Variants in CCDC47 observed in about 807,000 individuals in gnomAD.
CCDC47 encodes PAT complex subunit CCDC47.
CCDC47 carries 41 observed loss-of-function variants against 60.5 expected under a neutral mutation model. The ratio of observed to expected loss-of-function variants is 0.68; its 90% CI spans 0.53 to 0.88. The LOEUF (loss-of-function observed/expected upper bound fraction) is 0.88, where lower values mean the gene tolerates loss of function less well. Ranked by LOEUF, CCDC47 falls within the 40% of genes least tolerant of loss-of-function variation. The pLI, the probability that CCDC47 is intolerant of heterozygous loss-of-function variation, is 0.00. For missense variants in CCDC47, 513 were observed against 580.9 expected (o/e 0.88, Z 1.20); for synonymous variants, 195 against 190.7 (o/e 1.02, Z -0.18).
rs535062006 is a variant in CCDC47 at position 63,759,584 on chromosome 17, T to C, written c.735+1330A>G. ...ATATATATATATATATATAAAACAA[T>C]GATTTTCAATCCAATAACATTTGAA... On this transcript the variant is annotated intron_variant, in intron 6 of 12. Transcript: ENST00000225726. Among the ~76,000 whole-genome samples the C allele has an allele frequency of 3.3e-3, 336 of 100,898 alleles. 6 individuals carry two copies. Among genetic ancestry groups the C allele is most frequent in the Non-Finnish European group, 5.8e-3 (292 of 50,460 alleles). 66.2% of individuals were successfully genotyped at this position (100,898 alleles called of 152,430 possible).
At chr17:63,765,718 A>G in intron 2 of CCDC47, 194 bp downstream of exon 2, 1 of 1,396,038 alleles carries the variant, frequency 7.2e-7, no homozygotes, top group Non-Finnish European at 9.3e-7. Context: ...TCAGGGTTTC[A>G]ATAGAAGAAC....
intron 1 of CCDC47, among the ~76,000 whole-genome samples, chr17:63,771,808 G>A (rs1366161162): frequency 6.6e-6 from 1 of 152,158 alleles, no homozygotes; most frequent in African/African-American, 2.4e-5. Flanking sequence ...TAGGCCAGGC[G>A]TGGTGGTCCA....
chr17:63,764,214 T>G (rs371286227), intron 3 of CCDC47, 24 bp from the exon 4 acceptor site: 2 of 1,549,928 alleles, frequency 1.3e-6, no homozygotes, highest in East Asian at 4.6e-5. Flanking sequence ...ATCATTCCAT[T>G]AAATGTTGGC....
In CCDC47 at chr17:63,756,485, T is replaced by A; in HGVS notation, c.821A>T (p.Lys274Ile). ...CTGACATACCAAATCCTGCATCTCT[T>A]TCTGTAGTCGCACCAAGGCTTTCCG... is the stretch of plus-strand genomic sequence containing the variant. ...GTRKALVRLQ[K>I]EMQDLSEFCS... The change falls in exon 7 of 13, where the codon AAA becomes ATA. Residue 274 changes from lysine to isoleucine, a missense_variant. By Grantham distance (102) the Lys-to-Ile change is moderately radical. Transcript: ENST00000225726. The A allele has an allele frequency of 6.2e-7, 1 of 1,613,908 alleles. No individual in the cohort carries two copies. The highest frequency in any genetic ancestry group is 8.5e-7 in the Non-Finnish European group (1 of 1,179,726).
intron 1 of CCDC47, chr17:63,766,825 T>C (rs1598311760): frequency 2.0e-6 from 2 of 978,514 alleles, no homozygotes; most frequent in East Asian, 1.1e-4. Flanking sequence ...AAGCTTTCTA[T>C]AGAAAATGAG....
chr17:63,764,801 C>T lies in CCDC47; in HGVS notation c.311G>A (p.Gly104Asp), dbSNP rs927703180. Residue 104 changes from glycine (G) to aspartate (D), a missense_variant, in exon 3 of 13, where the codon GGT becomes GAT. By Grantham distance (94) the Gly-to-Asp change is moderately conservative. Coordinates refer to ENST00000225726, the MANE Select transcript of CCDC47 (RefSeq NM_020198.3). ...SEPYDDEEFEGYEDKPDTSSS... is the reference protein window; with the variant it reads ...SEPYDDEEFEDYEDKPDTSSS... ...AGAAGTATCTGGTTTGTCTTCATAA[C>T]CTTCAAATTCTTCATCATCATATGG... The T allele has an allele frequency of 4.3e-6, 7 of 1,613,274 alleles. No homozygotes were observed. In the African/African-American group the frequency reaches 9.4e-5, roughly 22 times the overall value.
chr17:63,760,565 G>C (rs375607242), intron 6 of CCDC47, among the ~76,000 whole-genome samples: 1 of 152,204 alleles, frequency 6.6e-6, no homozygotes, highest in African/African-American at 2.4e-5. Flanking sequence ...TGGGGAAAGC[G>C]TGATGGCTCA....
At chr17:63,755,525 G>A (rs1179805531) in intron 8 of CCDC47, 6 of 149,302 alleles carry the variant, frequency 4.0e-5, no homozygotes, top group Non-Finnish European at 8.9e-5. Context: ...GATTCTTTTC[G>A]AGCAGCTAAA....
intron 1 of CCDC47, among the ~76,000 whole-genome samples, chr17:63,771,004 GAA>G (rs1491583415): frequency 1.9e-5 from 2 of 104,730 alleles, no homozygotes; most frequent in Non-Finnish European, 3.8e-5. Context: ...AAAAAAGAAA[GAA>G]AGAAAGAAAG....
rs202214794 is a variant in CCDC47 at position 63,761,262 on chromosome 17, C to T, written c.637G>A (p.Val213Met). The change falls in exon 5 of 13, where the codon GTG (valine) becomes ATG (methionine). Residue 213 changes from valine to methionine, a missense_variant. Coordinates refer to ENST00000225726, the MANE Select transcript of CCDC47 (RefSeq NM_020198.3). ...TGGATAAGCATGCCCTCACAGCACA[C>T]TCGACCAGAACACCACAGGTTATAG... ...HIYNLWCSGR[V>M]CCEGMLIQLR... 6 of 1,614,088 alleles carry T rather than the reference C, an allele frequency of 3.7e-6. No individual in the cohort carries two copies. The Admixed American group carries it at 5.0e-5, about 13-fold the overall frequency.
In CCDC47 at chr17:63,757,760, G is replaced by A. The variant is rs1598307566; in HGVS notation, c.736-1190C>T. Among the ~76,000 whole-genome samples the A allele has an allele frequency of 2.0e-5, 3 of 152,188 alleles. No homozygotes were observed. The South Asian group carries it at 6.2e-4, about 31-fold the overall frequency. ...GTTTTTATCCCAGGTTTCAGGCACAGAGCTCCTAAAGCCCTTTGAATTTCC... is the reference window on the plus strand; with the variant it reads ...GTTTTTATCCCAGGTTTCAGGCACAAAGCTCCTAAAGCCCTTTGAATTTCC... On this transcript the variant is annotated intron_variant, in intron 6 of 12. Coordinates refer to ENST00000225726, the MANE Select transcript of CCDC47 (RefSeq NM_020198.3).
intron 12 of CCDC47, among the ~76,000 whole-genome samples, chr17:63,750,489 AT>A (rs1215974605): frequency 6.6e-6 from 1 of 152,080 alleles, no homozygotes; most frequent in Non-Finnish European, 1.5e-5. Context: ...AGCAGCTCAC[AT>A]TTTCTTGGAC....
chr17:63,761,392 C>T (rs2039259022), intron 4 of CCDC47, 41 bp from the exon 5 acceptor site: 3 of 1,610,896 alleles, frequency 1.9e-6, no homozygotes, highest in Non-Finnish European at 2.5e-6. Flanking sequence ...CAGAAAATGT[C>T]AAGGCCGGGC....
At chr17:63,768,964 A>T (rs1348755011) in intron 1 of CCDC47, among the ~76,000 whole-genome samples, 1 of 151,894 alleles carries the variant, frequency 6.6e-6, no homozygotes, top group Non-Finnish European at 1.5e-5. Context: ...GTGACTTGTA[A>T]TCCCAGCTAC....
Position 63,768,827 on chromosome 17 carries a change from T to C in CCDC47, c.-19-2633A>G, listed in dbSNP as rs145183395. 6.4e-4 allele frequency among the ~76,000 whole-genome samples: 97 copies of C among 152,096 alleles called. 2 individuals are homozygous for C. The highest frequency in any genetic ancestry group is 1.8e-3 in the African/African-American group (74 of 41,482). On this transcript the variant is annotated intron_variant, in intron 1 of 12. Coordinates refer to ENST00000225726, the MANE Select transcript of CCDC47 (RefSeq NM_020198.3). ...TAGCCAAGTCTCACGCTCATTCCTG[T>C]AATCCCAGCAGTTTGGGAGGCCAAG...
At chr17:63,748,554 C>T (rs1353646308) in intron 12 of CCDC47, among the ~76,000 whole-genome samples, 1 of 152,164 alleles carries the variant, frequency 6.6e-6, no homozygotes, top group African/African-American at 2.4e-5. Flanking sequence ...ATTGTCCCAA[C>T]CCCTACCTTC....
chr17:63,748,704 G>C (rs2144465912), intron 12 of CCDC47, among the ~76,000 whole-genome samples: 1 of 152,232 alleles, frequency 6.6e-6, no homozygotes, highest in Non-Finnish European at 1.5e-5. Context: ...GAGGCTGGTG[G>C]GCCACTTGAG....
intron 1 of CCDC47, among the ~76,000 whole-genome samples, chr17:63,769,716 T>A (rs1351967838): frequency 6.6e-6 from 1 of 151,356 alleles, no homozygotes; most frequent in Non-Finnish European, 1.5e-5. Flanking sequence ...GGAAGAAGAA[T>A]AATTGTCTTG....
chr17:63,760,598 G>A (rs1282173754), intron 6 of CCDC47, among the ~76,000 whole-genome samples: 1 of 152,170 alleles, frequency 6.6e-6, no homozygotes, highest in Non-Finnish European at 1.5e-5. Context: ...CAGCACTTTG[G>A]GAGGCCAGAG....
Sources: allele counts gnomAD v4.1 joint callset (sites outside exome capture counted in the v4.1 genomes callset), GRCh38; gene constraint gnomAD v4.1.1; transcripts MANE v1.5; gene names NCBI Gene and HGNC (gene_info 2026-07-23, HGNC 2026-07-21).